Variants in DTL observed in about 807,000 individuals in gnomAD.
The protein encoded by DTL is denticleless protein homolog.
A neutral mutation model predicts 87.0 loss-of-function variants in DTL; 46 were observed. The ratio of observed to expected loss-of-function variants is 0.53; its 90% CI spans 0.42 to 0.68. The LOEUF (loss-of-function observed/expected upper bound fraction) is 0.68, where lower values mean the gene tolerates loss of function less well. Ranked by LOEUF, DTL falls within the 30% of genes least tolerant of loss-of-function variation. The probability of loss-of-function intolerance (pLI) is 0.00; values close to 1 mark genes in which losing one functional copy is unlikely to be tolerated. For synonymous variants in DTL, 308 were observed against 311.2 expected (o/e 0.99, Z 0.11); for missense variants, 737 against 869.4 (o/e 0.85, Z 1.91).
At chr1:212,080,549 T>A in intron 12 of DTL, 66 bp from the exon 13 acceptor site, 1 of 1,512,094 alleles carries the variant, frequency 6.6e-7, no homozygotes, top group Non-Finnish European at 9.0e-7. Flanking sequence ...AAGACACACC[T>A]GTTTTTTAAT....
intron 5 of DTL, among the ~76,000 whole-genome samples, chr1:212,054,262 C>T (rs980787650): frequency 1.2e-4 from 18 of 152,220 alleles, no homozygotes; most frequent in African/African-American, 4.1e-4. Context: ...TTCCCCATCC[C>T]CTCACTCTCT....
chr1:212,065,470 A>G (rs1654464890), intron 7 of DTL, among the ~76,000 whole-genome samples: 1 of 152,134 alleles, frequency 6.6e-6, no homozygotes, highest in Non-Finnish European at 1.5e-5. Flanking sequence ...CATCACTTCA[A>G]ATACTGTGTG....
At chr1:212,097,341 G>A (rs1056760392) in intron 13 of DTL, among the ~76,000 whole-genome samples, 1 of 152,016 alleles carries the variant, frequency 6.6e-6, no homozygotes, top group African/African-American at 2.4e-5. Flanking sequence ...TGATCTTTTT[G>A]TGATGAATTT....
At chr1:212,059,610 C>T (rs1406444951) in intron 5 of DTL, among the ~76,000 whole-genome samples, 5 of 151,990 alleles carry the variant, frequency 3.3e-5, no homozygotes, top group African/African-American at 4.8e-5. Flanking sequence ...AGAACTGGAA[C>T]AAGACAAGGA....
intron 8 of DTL, 130 bp downstream of exon 8, chr1:212,067,015 G>A: frequency 1.4e-6 from 1 of 722,358 alleles, no homozygotes; most frequent in East Asian, 2.7e-5. Flanking sequence ...CCCAACTGAG[G>A]AAAGGAGCTA....
intron 1 of DTL, among the ~76,000 whole-genome samples, chr1:212,041,489 T>A (rs140424166): frequency 3.8e-5 from 5 of 132,806 alleles, no homozygotes; most frequent in African/African-American, 1.4e-4. Flanking sequence ...GACCTCAACA[T>A]AACTATTGCA....
At chr1:212,042,292 C>CGAA (rs1667676653) in intron 1 of DTL, among the ~76,000 whole-genome samples, 1 of 152,072 alleles carries the variant, frequency 6.6e-6, no homozygotes, top group Non-Finnish European at 1.5e-5. Context: ...TTTCTTCTAC[C>CGAA]CTGAGTCTCT....
intron 10 of DTL, among the ~76,000 whole-genome samples, chr1:212,070,958 T>G (rs1302677993): frequency 6.6e-6 from 1 of 152,180 alleles, no homozygotes; most frequent in Non-Finnish European, 1.5e-5. Flanking sequence ...AGTTTTCCAT[T>G]CATAGTTGAG....
chr1:212,075,485 T>A (rs1265941398), intron 11 of DTL, among the ~76,000 whole-genome samples: 1 of 152,098 alleles, frequency 6.6e-6, no homozygotes, highest in Non-Finnish European at 1.5e-5. Flanking sequence ...ATTATGATAG[T>A]GTTCTTATAA....
intron 8 of DTL, among the ~76,000 whole-genome samples, 156 bp downstream of exon 8, chr1:212,067,041 A>G (rs574901890): frequency 5.1e-4 from 78 of 152,394 alleles, no homozygotes; most frequent in Admixed American, 1.4e-3. Context: ...CACATTGGAA[A>G]ATACCTAGTT....
At chr1:212,057,124 A>T (rs1288817673) in intron 5 of DTL, among the ~76,000 whole-genome samples, 1 of 152,140 alleles carries the variant, frequency 6.6e-6, no homozygotes, top group Non-Finnish European at 1.5e-5. Context: ...CAAGGGATTT[A>T]TATATCCACA....
chr1:212,101,710 A>G (rs1655630941), intron 14 of DTL, among the ~76,000 whole-genome samples: 2 of 152,200 alleles, frequency 1.3e-5, no homozygotes, highest in South Asian at 4.1e-4. Flanking sequence ...TCTTTTTAAC[A>G]TTCAGTGTAG....
chr1:212,096,597 T>C lies in DTL; in HGVS notation c.1262-3655T>C, dbSNP rs564444657. On this transcript the variant is annotated intron_variant, in intron 13 of 14. Transcript: ENST00000366991. ...CACTTTTTTCATTCAGTTCAAAGAA[T>C]TTTTTTAATTTCCAGCTTGATTTTG... Among the ~76,000 whole-genome samples the C allele has an allele frequency of 2.6e-3, 394 of 152,294 alleles. 2 individuals are homozygous for C. Among genetic ancestry groups the C allele is most frequent in the Non-Finnish European group, 3.1e-3 (213 of 68,014 alleles).
chr1:212,078,423 TCTG>T (rs1219042214), intron 12 of DTL, among the ~76,000 whole-genome samples, 161 bp downstream of exon 12: 1 of 152,134 alleles, frequency 6.6e-6, no homozygotes, highest in East Asian at 1.9e-4. Context: ...TCAGGCATAT[TCTG>T]CTTTTCTCTA....
intron 10 of DTL, 167 bp from the exon 11 acceptor site, chr1:212,071,934 G>A: frequency 1.9e-6 from 1 of 519,768 alleles, no homozygotes; most frequent in Admixed American, 3.4e-5. Context: ...CTAGGGTTTT[G>A]TTTTTCTGCC....
chr1:212,040,373 G>T (rs745981658), intron 1 of DTL, among the ~76,000 whole-genome samples: 3 of 152,214 alleles, frequency 2.0e-5, no homozygotes, highest in Non-Finnish European at 2.9e-5. Context: ...TGAAGGATAT[G>T]TTCCAAGACC....
chr1:212,072,854 C>T (rs1409499825), intron 11 of DTL, among the ~76,000 whole-genome samples: 1 of 150,848 alleles, frequency 6.6e-6, no homozygotes, highest in Non-Finnish European at 1.5e-5. Flanking sequence ...AGCTCCGCCT[C>T]CCAGGTTCAC....
At chr1:212,064,664 A>G (rs1176600152) in intron 6 of DTL, among the ~76,000 whole-genome samples, 1 of 152,198 alleles carries the variant, frequency 6.6e-6, no homozygotes, top group African/African-American at 2.4e-5. Flanking sequence ...TGGATGAACC[A>G]AAGTTTATCC....
intron 13 of DTL, among the ~76,000 whole-genome samples, chr1:212,094,476 G>A (rs1263414128): frequency 3.3e-5 from 5 of 152,068 alleles, no homozygotes; most frequent in South Asian, 2.1e-4. Flanking sequence ...ATTTTTATAC[G>A]AGTACCGTGC....
Sources: allele counts gnomAD v4.1 joint callset (sites outside exome capture counted in the v4.1 genomes callset), GRCh38; gene constraint gnomAD v4.1.1; transcripts MANE v1.5; gene names NCBI Gene and HGNC (gene_info 2026-07-23, HGNC 2026-07-21).